Variants in XYLT1 observed in about 807,000 individuals in gnomAD.
XYLT1 encodes beta-D-xylosyltransferase 1.
XYLT1 carries 36 observed loss-of-function variants against 91.3 expected under a neutral mutation model. The ratio of observed to expected loss-of-function variants is 0.39; its 90% CI spans 0.30 to 0.52. XYLT1 has a LOEUF of 0.52. XYLT1 is among the 20% of genes least tolerant of loss of function. XYLT1 has a pLI of 0.68. For missense variants in XYLT1, 1,242 were observed against 1,284.5 expected (o/e 0.97, Z 0.51); for synonymous variants, 588 against 532.0 (o/e 1.11, Z -1.45).
chr16:17,116,415 G>C (rs889546601), intron 11 of XYLT1, among the ~76,000 whole-genome samples: 2 of 152,084 alleles, frequency 1.3e-5, no homozygotes, highest in Non-Finnish European at 2.9e-5. Context: ...TTTTGAACTT[G>C]ACATAAATAC....
At chr16:17,353,974 T>C (rs944966395) in intron 2 of XYLT1, among the ~76,000 whole-genome samples, 1 of 152,208 alleles carries the variant, frequency 6.6e-6, no homozygotes, top group Non-Finnish European at 1.5e-5. Context: ...AAATCGGGTA[T>C]CACACAAACA....
chr16:17,197,457 G>A lies in XYLT1; in HGVS notation c.1289+755C>T, dbSNP rs7204432. ...CCTACTTGAATGGAAGCTTGTGATG[G>A]TTACTATTGAGTGTCAACTTGATTG... On this transcript the variant is annotated intron_variant, in intron 5 of 11. Coordinates refer to ENST00000261381, the MANE Select transcript of XYLT1 (RefSeq NM_022166.4). 4.0e-3 allele frequency among the ~76,000 whole-genome samples: 602 copies of A among 152,234 alleles called. 2 individuals are homozygous for A. Among genetic ancestry groups the A allele is most frequent in the African/African-American group, 0.014 (571 of 41,524 alleles).
chr16:17,173,518 T>C (rs1416417888), intron 5 of XYLT1, among the ~76,000 whole-genome samples: 1 of 152,250 alleles, frequency 6.6e-6, no homozygotes, highest in African/African-American at 2.4e-5. Flanking sequence ...GTGGCTCAAA[T>C]GAGGAACCTC....
At chr16:17,333,589 T>TA (rs1257400564) in intron 2 of XYLT1, among the ~76,000 whole-genome samples, 1 of 143,266 alleles carries the variant, frequency 7.0e-6, no homozygotes, top group African/African-American at 2.9e-5. Context: ...TTAATTTAAT[T>TA]TATTTTTTTT....
rs759912114 is a variant in XYLT1 at position 17,134,547 on chromosome 16, C to T, written c.1953G>A (p.Leu651=). 11 of 1,614,024 alleles carry T rather than the reference C, an allele frequency of 6.8e-6. No homozygotes were observed. Among genetic ancestry groups the T allele is most frequent in the African/African-American group, 6.7e-5 (5 of 74,922 alleles). The change falls in exon 9 of 12, where the codon TTG becomes TTA. Residue 651 remains leucine (L), a synonymous_variant. Transcript: ENST00000261381. ...IHSLSDVTLT[L]YHSFARLGLR... ...GACCCAGGCGGGCAAAGGAGTGGTA[C>T]AAGGTGAGTGTCACGTCGCTCAGGC...
chr16:17,404,367 T>C (rs1482534155), intron 1 of XYLT1, among the ~76,000 whole-genome samples: 1 of 152,166 alleles, frequency 6.6e-6, no homozygotes, highest in East Asian at 1.9e-4. Flanking sequence ...CACACAGACA[T>C]ACTAGCAAGC....
intron 3 of XYLT1, among the ~76,000 whole-genome samples, chr16:17,232,553 T>C (rs2033181880): frequency 6.6e-6 from 1 of 150,910 alleles, no homozygotes; most frequent in Non-Finnish European, 1.5e-5. Context: ...TGATTATTGA[T>C]TGATTGATGA....
chr16:17,134,340 G>A, intron 9 of XYLT1, 133 bp downstream of exon 9: 1 of 1,268,350 alleles, frequency 7.9e-7, no homozygotes, highest in East Asian at 2.4e-5. Flanking sequence ...TGAGTTTTGG[G>A]CAAAGGAAGA....
chr16:17,188,382 T>C (rs576555816), intron 5 of XYLT1, among the ~76,000 whole-genome samples: 2 of 152,324 alleles, frequency 1.3e-5, no homozygotes, highest in Admixed American at 6.5e-5. Flanking sequence ...TGCCTCGACC[T>C]ACCTCATTTG....
At chr16:17,299,077 CA>C (rs2034357034) in intron 2 of XYLT1, among the ~76,000 whole-genome samples, 1 of 152,112 alleles carries the variant, frequency 6.6e-6, no homozygotes, top group Non-Finnish European at 1.5e-5. Context: ...AACTAGAACG[CA>C]AGCTACTTTT....
intron 1 of XYLT1, among the ~76,000 whole-genome samples, chr16:17,414,051 C>T (rs1295980671): frequency 6.6e-6 from 1 of 152,114 alleles, no homozygotes; most frequent in African/African-American, 2.4e-5. Context: ...CTGTGGGAAC[C>T]CCAGTAAAGG....
At position 17,200,555 on chromosome 16, in the gene XYLT1, G is replaced by C. The variant is rs1324450239; in HGVS notation, c.1013C>G (p.Ala338Gly). 7 of 1,614,216 alleles carry C rather than the reference G, an allele frequency of 4.3e-6. No homozygotes were observed. Among genetic ancestry groups the C allele is most frequent in the Non-Finnish European group, 5.9e-6 (7 of 1,180,026 alleles). The change falls in exon 4 of 12, where the codon GCC (alanine) becomes GGC (glycine). Residue 338 changes from alanine (A) to glycine (G), a missense_variant. Around this residue, in one of 3 missense-constraint regions of XYLT1, gnomAD observed 294 missense variants for 376.0 expected, o/e 0.78. Transcript: ENST00000261381. ...GAACATGCGCTGCAACTGCCGAGAGGCACGGCCGTGGACCACCAGGACAAA... is the reference window on the plus strand; with the variant it reads ...GAACATGCGCTGCAACTGCCGAGAGCCACGGCCGTGGACCACCAGGACAAA... ...IAFVLVVHGR[A>G]SRQLQRMFKA...
chr16:17,411,815 G>T (rs144179026), intron 1 of XYLT1, among the ~76,000 whole-genome samples: 1 of 152,106 alleles, frequency 6.6e-6, no homozygotes, highest in African/African-American at 2.4e-5. Flanking sequence ...AAGAAACTCC[G>T]GTGCCCTGAA....
chr16:17,466,083 T>C (rs1423026713), intron 1 of XYLT1, among the ~76,000 whole-genome samples: 1 of 152,190 alleles, frequency 6.6e-6, no homozygotes, highest in Non-Finnish European at 1.5e-5. Context: ...TTCCTTAGAA[T>C]GCAGGTTTTG....
chr16:17,268,755 C>CTCCGCT (rs1284663545), intron 2 of XYLT1, among the ~76,000 whole-genome samples: 1 of 151,726 alleles, frequency 6.6e-6, no homozygotes, highest in South Asian at 2.1e-4. Flanking sequence ...TCACCGCAAC[C>CTCCGCT]TCCGCTTCCC....
intron 6 of XYLT1, among the ~76,000 whole-genome samples, chr16:17,145,195 G>A (rs367814237): frequency 2.5e-4 from 38 of 152,294 alleles, no homozygotes; most frequent in Non-Finnish European, 4.0e-4. Flanking sequence ...AGCAGGTATC[G>A]GTGCTCCATG....
At chr16:17,247,221 C>T (rs2033451387) in intron 3 of XYLT1, among the ~76,000 whole-genome samples, 2 of 152,182 alleles carry the variant, frequency 1.3e-5, no homozygotes, top group Admixed American at 6.5e-5. Flanking sequence ...CCTTCTTGCA[C>T]TAAGTCTCTG....
chr16:17,206,298 G>A (rs1476233716), intron 3 of XYLT1, among the ~76,000 whole-genome samples: 2 of 152,166 alleles, frequency 1.3e-5, no homozygotes, highest in Non-Finnish European at 2.9e-5. Flanking sequence ...CTGGGTGGGA[G>A]ATGCCTTTAT....
At chr16:17,128,429 C>G (rs910232836) in intron 9 of XYLT1, among the ~76,000 whole-genome samples, 1 of 152,184 alleles carries the variant, frequency 6.6e-6, no homozygotes, top group Non-Finnish European at 1.5e-5. Flanking sequence ...AGCAAGTTCT[C>G]TAGCATTGGA....
Sources: allele counts gnomAD v4.1 joint callset (sites outside exome capture counted in the v4.1 genomes callset), GRCh38; gene constraint gnomAD v4.1.1; regional missense constraint gnomAD v4.1.1; transcripts MANE v1.5; gene names NCBI Gene and HGNC (gene_info 2026-07-23, HGNC 2026-07-21).